The following PDHA1 variants were observed in gnomAD, a reference collection of about 807,000 sequenced individuals.
PDHA1 encodes pyruvate dehydrogenase E1 subunit alpha 1.
A neutral mutation model predicts 33.0 loss-of-function variants in PDHA1; 1 was observed. The ratio of observed to expected loss-of-function variants is 0.03; its 90% CI spans 0.01 to 0.14. PDHA1 has a LOEUF of 0.14. PDHA1 is among the 10% of genes least tolerant of loss of function. PDHA1 has a pLI of 1.00. For missense variants in PDHA1, 168 were observed against 325.1 expected (o/e 0.52, Z 3.72); for synonymous variants, 123 against 119.2 (o/e 1.03, Z -0.21).
chrX:19,361,580 G>T lies in PDHA1; in HGVS notation c.*1927G>T. The T allele has an allele frequency of 5.0e-6, 6 of 1,204,720 alleles. No individual in the cohort carries two copies. The highest frequency in any genetic ancestry group is 6.7e-6 in the Non-Finnish European group (6 of 889,645). ...TTCTCTGCCCGTAGGGGCCTGCTGG[G>T]TTCTCTGTAATACCTGTAACGATTG... On this transcript the variant is annotated 3_prime_UTR_variant, in exon 11 of 11. Coordinates refer to ENST00000422285, the MANE Select transcript of PDHA1 (RefSeq NM_000284.4).
chrX:19,356,770 A>G (rs759379806), intron 8 of PDHA1, among the ~76,000 whole-genome samples: 5 of 93,166 alleles, frequency 5.4e-5, no homozygotes, highest in Admixed American at 2.0e-4. Flanking sequence ...TTTTGCAGAC[A>G]AGGAAACTGA....
chrX:19,344,133 G>A, intron 1 of PDHA1, 39 bp downstream of exon 1: 1 of 1,119,971 alleles, frequency 8.9e-7, no homozygotes, highest in African/African-American at 1.8e-5. Flanking sequence ...GGCGCGAGTG[G>A]GGCTGAGGCG....
chrX:19,361,609 A>G lies in PDHA1; in HGVS notation c.*1956A>G. 1 of 1,091,302 alleles carries G rather than the reference A, an allele frequency of 9.2e-7. No individual in the cohort carries two copies. Among genetic ancestry groups the G allele is most frequent in the South Asian group, 1.9e-5 (1 of 52,429 alleles). The allele number at this position is 1,091,302 out of a possible 1,213,427, so 89.9% of individuals were successfully genotyped here. A position where few individuals can be genotyped will look rare whatever the true frequency, so the allele number is the denominator to read the frequency against. On this transcript the variant is annotated 3_prime_UTR_variant, in exon 11 of 11. Transcript: ENST00000422285. ...TCTGTAATACCTGTAACGATTGGCA[A>G]TTTGTTATATATTAGTCTAACCATA... is the stretch of plus-strand genomic sequence containing the variant.
intron 5 of PDHA1, chrX:19,353,466 GCCT>G (rs2063176042): frequency 2.7e-6 from 1 of 376,917 alleles, no homozygotes; most frequent in Non-Finnish European, 4.7e-6. Context: ...CAGGGTTGTA[GCCT>G]AGGAGCAGTA....
intron 10 of PDHA1, 145 bp downstream of exon 10, chrX:19,359,169 G>A: frequency 2.1e-6 from 1 of 475,917 alleles, no homozygotes. Flanking sequence ...AGTCCCTTGG[G>A]GTGGGGGCTT....
chrX:19,349,132 G>A (rs2063150281), intron 1 of PDHA1, among the ~76,000 whole-genome samples, 180 bp from the exon 2 acceptor site: 1 of 111,855 alleles, frequency 8.9e-6, no homozygotes, highest in South Asian at 3.6e-4. Context: ...GCCAAAGCAT[G>A]GATTCATTTT....
chrX:19,352,479 A>G (rs761158127), intron 4 of PDHA1, among the ~76,000 whole-genome samples: 1 of 101,339 alleles, frequency 9.9e-6, no homozygotes, highest in South Asian at 4.3e-4. Flanking sequence ...CAGGTGATCC[A>G]CCCTCTTCGG....
Position 19,355,335 on chromosome X carries a change from G to T in PDHA1, c.604-14G>T, listed in dbSNP as rs377192586. 6.6e-6 allele frequency: 8 copies of T among 1,209,500 alleles called. No individual in the cohort carries two copies. The Admixed American group carries it at 1.1e-4, about 16-fold the overall frequency. ...AAGAAGCCAAATGAAACCCCTTTTC[G>T]TAACTACTTCCAGGGCCAGATATTC... On this transcript the variant is annotated splice_polypyrimidine_tract_variant and intron_variant, in intron 6 of 10. Transcript: ENST00000422285.
At chrX:19,346,747 G>A in intron 1 of PDHA1, 1 of 428,843 alleles carries the variant, frequency 2.3e-6, no homozygotes, top group Non-Finnish European at 3.4e-6. Flanking sequence ...AGTTTTCATA[G>A]TTCTTATTTC....
intron 1 of PDHA1, chrX:19,346,607 C>A: frequency 1.0e-6 from 1 of 956,054 alleles, no homozygotes; most frequent in Non-Finnish European, 1.3e-6. Flanking sequence ...TACTCTCACT[C>A]TCTTAAAACC....
chrX:19,354,609 A>T (rs368105884), intron 6 of PDHA1, 26 bp downstream of exon 6: 197 of 875,210 alleles, frequency 2.3e-4, no homozygotes, highest in Admixed American at 3.5e-4. Flanking sequence ...AACTTCCCAA[A>T]AACAGTCTTA....
intron 1 of PDHA1, among the ~76,000 whole-genome samples, chrX:19,347,603 C>T (rs1051965952): frequency 2.7e-5 from 3 of 112,539 alleles, no homozygotes; most frequent in Non-Finnish European, 5.6e-5. Flanking sequence ...TTCTCTGTTA[C>T]TGTCGCCTGG....
chrX:19,359,208 T>TATTA (rs777535900), intron 10 of PDHA1, among the ~76,000 whole-genome samples, 184 bp downstream of exon 10: 150 of 111,694 alleles, frequency 1.3e-3, no homozygotes, highest in Non-Finnish European at 2.2e-3. Flanking sequence ...TTCAAAATTG[T>TATTA]ATTACTCTTC....
At chrX:19,344,933 T>C (rs2063120891) in intron 1 of PDHA1, among the ~76,000 whole-genome samples, 1 of 111,971 alleles carries the variant, frequency 8.9e-6, no homozygotes, top group African/African-American at 3.2e-5. Context: ...GAGCTTTTCT[T>C]GGCAGTGAGT....
rs7055605 is a variant in PDHA1 at position 19,350,977 on chromosome X, T to A, written c.292-304T>A. On this transcript the variant is annotated intron_variant, in intron 3 of 10. Transcript: ENST00000422285. ...GGTAATGTTTCCTGTTTTCCATGTC[T>A]AAGAGAAGGCGGAAGTCTGGATTTT... 0.01 allele frequency among the ~76,000 whole-genome samples: 1,147 copies of A among 111,913 alleles called. 16 individuals are homozygous for A. The highest frequency in any genetic ancestry group is 0.036 in the African/African-American group (1,112 of 30,793).
Position 19,360,946 on chromosome X carries a change from G to C in PDHA1, c.*1293G>C, listed in dbSNP as rs2063277826. ...AAATAAAAACATTCTCCTCACATAT[G>C]GAGGTGACGCTCGTGTCCCAGCAGT... On this transcript the variant is annotated 3_prime_UTR_variant, in exon 11 of 11. Transcript: ENST00000422285. 1 of 538,739 alleles carries C rather than the reference G, an allele frequency of 1.9e-6. No homozygotes were observed. The highest frequency in any genetic ancestry group is 3.6e-5 in the East Asian group (1 of 28,131). 44.4% of individuals were successfully genotyped at this position (538,739 alleles called of 1,213,427 possible). A position where few individuals can be genotyped will look rare whatever the true frequency, so the allele number is the denominator to read the frequency against.
chrX:19,346,443 G>A, intron 1 of PDHA1: 1 of 360,879 alleles, frequency 2.8e-6, no homozygotes, highest in Non-Finnish European at 4.9e-6. Context: ...AGCCTCCTGA[G>A]TAGCTGGGAA....
rs886805666 is a variant in PDHA1 at position 19,359,819 on chromosome X, T to C, written c.*166T>C. The C allele has an allele frequency of 5.9e-6, 3 of 505,696 alleles. No homozygotes were observed. The Admixed American group carries it at 8.1e-5, about 14-fold the overall frequency. 41.7% of individuals were successfully genotyped at this position (505,696 alleles called of 1,213,427 possible). A position where few individuals can be genotyped will look rare whatever the true frequency, so the allele number is the denominator to read the frequency against. On this transcript the variant is annotated 3_prime_UTR_variant, in exon 11 of 11. Transcript: ENST00000422285. ...TAATTGCATGCAGTTTGTACATTAG[T>C]GCATTAAAAGATGAATTATTGAGTG...
Position 19,361,467 on chromosome X carries a change from T to G in PDHA1, c.*1814T>G, listed in dbSNP as rs749418204. ...GCTGAGCAGCTGTGTAACAACAGCA[T>G]AAGAATTTCTTTGTTGTAAATTTAC... On this transcript the variant is annotated 3_prime_UTR_variant, in exon 11 of 11. Coordinates refer to ENST00000422285, the MANE Select transcript of PDHA1 (RefSeq NM_000284.4). 4 of 1,194,146 alleles carry G rather than the reference T, an allele frequency of 3.3e-6. No homozygotes were observed. The African/African-American group carries it at 7.0e-5, about 21-fold the overall frequency.
Sources: gnomAD v4.1 joint callset for allele counts (sites outside exome capture counted in the v4.1 genomes callset) on GRCh38, gnomAD v4.1.1 for gene constraint, MANE v1.5 for transcripts, NCBI Gene and HGNC (gene_info 2026-07-23, HGNC 2026-07-21) for gene names.